CLVS1: variants seen among roughly 807,000 people sequenced by gnomAD.
CLVS1 encodes the protein clavesin 1.
Under a neutral mutation model 33.1 loss-of-function variants are expected in CLVS1, and 10 were observed. The ratio of observed to expected loss-of-function variants is 0.30; its 90% confidence interval spans 0.19 to 0.51. CLVS1 has a LOEUF of 0.51. Among genes scored for constraint, CLVS1 ranks in the 20% least tolerant of loss-of-function variants. The pLI is 0.97. For synonymous variants in CLVS1, 163 were observed against 166.1 expected, an observed-to-expected ratio of 0.98 and a Z score of 0.14; for missense variants, 343 against 433.4, an observed-to-expected ratio of 0.79 and a Z score of 1.85.
At chr8:61,352,912 T>G (rs1286962149) in intron 2 of CLVS1, among the ~76,000 whole-genome samples, 1 of 152,052 alleles carries the variant, frequency 6.6e-6, no homozygotes, top group Non-Finnish European at 1.5e-5. Context: ...TATAAGAAAG[T>G]AGGTTATATG....
At chr8:61,354,592 C>A (rs1217961201) in intron 2 of CLVS1, among the ~76,000 whole-genome samples, 1 of 152,014 alleles carries the variant, frequency 6.6e-6, no homozygotes, top group Non-Finnish European at 1.5e-5. Context: ...TGTCTAGCAA[C>A]AGGTAAAATG....
intron 2 of CLVS1, among the ~76,000 whole-genome samples, chr8:61,145,029 C>G (rs1806386628): frequency 6.6e-6 from 1 of 152,228 alleles, no homozygotes; most frequent in African/African-American, 2.4e-5. Context: ...CCGCACCCGG[C>G]CAATGAGCTT....
At chr8:61,235,206 G>T (rs1031996239) in intron 2 of CLVS1, among the ~76,000 whole-genome samples, 49 of 152,334 alleles carry the variant, frequency 3.2e-4, no homozygotes, top group African/African-American at 1.2e-3. Context: ...ACACAAGCAT[G>T]TGAGCAGAAC....
chr8:61,429,787 T>A (rs1239559363), intron 3 of CLVS1, among the ~76,000 whole-genome samples: 1 of 152,234 alleles, frequency 6.6e-6, no homozygotes, highest in Non-Finnish European at 1.5e-5. Context: ...TATAAAATAC[T>A]TATAAGAATT....
chr8:61,434,693 T>A (rs1162745478), intron 3 of CLVS1, among the ~76,000 whole-genome samples: 3 of 152,208 alleles, frequency 2.0e-5, no homozygotes, highest in Admixed American at 6.5e-5. Context: ...AAAGGAATGC[T>A]CAGGCTAAGA....
intron 2 of CLVS1, among the ~76,000 whole-genome samples, chr8:61,205,086 AT>A (rs1807812005): frequency 6.6e-6 from 1 of 152,244 alleles, no homozygotes; most frequent in Non-Finnish European, 1.5e-5. Context: ...CATAAACCTA[AT>A]TATGAGAATG....
chr8:61,381,217 T>C (rs1478482907), intron 3 of CLVS1, among the ~76,000 whole-genome samples: 2 of 152,106 alleles, frequency 1.3e-5, no homozygotes, highest in Non-Finnish European at 2.9e-5. Context: ...ATTCAACTTC[T>C]TCCAACAGTT....
At chr8:61,181,697 C>CTTTTTTTT (rs369025438) in intron 2 of CLVS1, among the ~76,000 whole-genome samples, 32 of 103,196 alleles carry the variant, frequency 3.1e-4, no homozygotes, top group Middle Eastern at 9.1e-3. Flanking sequence ...ACCATCTGAT[C>CTTTTTTTT]TTTTTTTTTT....
In CLVS1 at chr8:61,458,604, A is replaced by G. The variant is rs1240661714; in HGVS notation, c.977+62A>G. On this transcript the variant is annotated intron_variant, in intron 5 of 5. Transcript: ENST00000325897. ...GAGGTCAATGGAATTTTTTATTTGG[A>G]CCTATTGTGAATTATTAATTAAAGA... 12 of 1,129,600 alleles carry G rather than the reference A, an allele frequency of 1.1e-5. No homozygotes were observed. In the East Asian group the frequency reaches 2.9e-4, roughly 27 times the overall value. The allele number at this position is 1,129,600 out of a possible 1,614,324, so 70.0% of individuals were successfully genotyped here. A position where few individuals can be genotyped will look rare whatever the true frequency, so the allele number is the denominator to read the frequency against.
At chr8:61,193,073 A>T (rs1232838628) in intron 2 of CLVS1, among the ~76,000 whole-genome samples, 1 of 152,206 alleles carries the variant, frequency 6.6e-6, no homozygotes, top group Non-Finnish European at 1.5e-5. Flanking sequence ...ATTCACACGT[A>T]TGTTTACTGC....
chr8:61,438,881 A>G (rs1038317936), intron 3 of CLVS1, among the ~76,000 whole-genome samples: 5 of 152,202 alleles, frequency 3.3e-5, no homozygotes, highest in Non-Finnish European at 1.5e-5. Flanking sequence ...AGTGCTTAAC[A>G]TAGTTCCTGA....
At chr8:61,409,638 T>C (rs572696699) in intron 3 of CLVS1, among the ~76,000 whole-genome samples, 65 of 152,330 alleles carry the variant, frequency 4.3e-4, no homozygotes, top group African/African-American at 1.4e-3. Context: ...ATTTTGCACA[T>C]GTACAATTAT....
At chr8:60,994,761 G>A in the CLVS1 span, among the ~76,000 whole-genome samples, 1 of 152,306 alleles carries the variant, frequency 6.6e-6, no homozygotes, top group Middle Eastern at 3.4e-3. Context: ...GAAAGGCATT[G>A]GTAGCTTGAG....
chr8:61,222,922 CTTTT>C (rs1178582778), intron 2 of CLVS1, among the ~76,000 whole-genome samples: 3 of 105,008 alleles, frequency 2.9e-5, no homozygotes, highest in African/African-American at 1.3e-4. Flanking sequence ...ATGTAATGCC[CTTTT>C]TTGTCTTTTT....
At chr8:61,085,028 GA>G (rs1805093484) in intron 1 of CLVS1, among the ~76,000 whole-genome samples, 1 of 152,188 alleles carries the variant, frequency 6.6e-6, no homozygotes, top group Non-Finnish European at 1.5e-5. Context: ...TTAGTGGAAT[GA>G]AAAAATACAT....
At chr8:61,096,975 A>G (rs567874428) in intron 1 of CLVS1, among the ~76,000 whole-genome samples, 91 of 152,294 alleles carry the variant, frequency 6.0e-4, no homozygotes, top group African/African-American at 2.0e-3. Context: ...GATTCTGTGA[A>G]CGCTGCGTTC....
the CLVS1 span, chr8:60,966,215 G>T: frequency 1.1e-5 from 4 of 360,524 alleles, no homozygotes; most frequent in Non-Finnish European, 2.2e-5. Context: ...GTCTGAACAA[G>T]TGGTACCCTA....
chr8:61,015,400 T>C, the CLVS1 span, among the ~76,000 whole-genome samples: 1 of 152,244 alleles, frequency 6.6e-6, no homozygotes, highest in African/African-American at 2.4e-5. Flanking sequence ...CAATGGTTTG[T>C]ATTTGTTAAA....
chr8:61,355,309 A>C (rs1421357770), intron 2 of CLVS1, among the ~76,000 whole-genome samples: 1 of 151,986 alleles, frequency 6.6e-6, no homozygotes, highest in Non-Finnish European at 1.5e-5. Flanking sequence ...TACACCATAA[A>C]TATATAAAAT....
Sources: allele counts gnomAD v4.1 joint callset (sites outside exome capture counted in the v4.1 genomes callset), GRCh38; gene constraint gnomAD v4.1.1; transcripts MANE v1.5; gene names NCBI Gene and HGNC (gene_info 2026-07-23, HGNC 2026-07-21).